VEGFC: variants seen among roughly 807,000 people sequenced by gnomAD.
VEGFC encodes the protein vascular endothelial growth factor C.
VEGFC carries 12 observed loss-of-function variants against 46.1 expected under a neutral mutation model. The observed-to-expected ratio is 0.26, with a 90% CI of 0.17 to 0.42. The LOEUF (loss-of-function observed/expected upper bound fraction) is 0.42, where lower values mean the gene tolerates loss of function less well. Ranked by LOEUF, VEGFC falls within the 10% of genes least tolerant of loss-of-function variation. The pLI, the probability that VEGFC is intolerant of heterozygous loss-of-function variation, is 1.00. For missense variants in VEGFC, 488 were observed against 529.4 expected (o/e 0.92, Z 0.77); for synonymous variants, 232 against 195.5 (o/e 1.19, Z -1.56).
intron 1 of VEGFC, among the ~76,000 whole-genome samples, chr4:176,761,363 C>G (rs568061375): frequency 6.6e-6 from 1 of 152,226 alleles, no homozygotes; most frequent in East Asian, 1.9e-4. Context: ...TGGTTCATAA[C>G]TATATGCCCA....
intron 3 of VEGFC, among the ~76,000 whole-genome samples, chr4:176,716,583 C>CG (rs1553993384): frequency 3.8e-5 from 3 of 79,260 alleles, no homozygotes; most frequent in African/African-American, 2.6e-4. Context: ...ACTCCCTCTC[C>CG]GAAAAAAAAA....
chr4:176,687,890 T>G lies in VEGFC; in HGVS notation c.742A>C (p.Met248Leu), dbSNP rs1242090667. 6.2e-7 allele frequency: 1 copy of G among 1,613,112 alleles called. No individual in the cohort carries two copies. The highest frequency in any genetic ancestry group is 1.3e-5 in the African/African-American group (1 of 74,852). ...AANKTCPTNY[M>L]WNNHICRCLA... The stretch of plus-strand genomic sequence containing the variant: ...CATCTGCAGATGTGATTATTCCACA[T>G]GTAATTGGTGGGGCAGGTCTTGTTC... The change falls in exon 5 of 7, where the codon ATG becomes CTG. Residue 248 changes from methionine to leucine, a missense_variant. Physicochemically the swap from Met to Leu is conservative, Grantham distance 15. Coordinates refer to ENST00000618562, the MANE Select transcript of VEGFC (RefSeq NM_005429.5).
intron 5 of VEGFC, 83 bp downstream of exon 5, chr4:176,687,738 T>C (rs908022151): frequency 7.3e-6 from 8 of 1,097,700 alleles, no homozygotes; most frequent in Non-Finnish European, 1.1e-5. Flanking sequence ...TGATGAATAT[T>C]ATATGTGTGG....
chr4:176,721,494 C>A (rs1560945408), intron 3 of VEGFC, among the ~76,000 whole-genome samples: 1 of 151,992 alleles, frequency 6.6e-6, no homozygotes, highest in Non-Finnish European at 1.5e-5. Flanking sequence ...GGTAGGAGAC[C>A]AGTTATTAGG....
At chr4:176,755,078 A>T (rs937203214) in intron 1 of VEGFC, among the ~76,000 whole-genome samples, 1 of 152,058 alleles carries the variant, frequency 6.6e-6, no homozygotes, top group African/African-American at 2.4e-5. Context: ...GTTTTCATGT[A>T]GTTACTTTCA....
chr4:176,738,305 T>G (rs894433764), intron 1 of VEGFC, among the ~76,000 whole-genome samples: 2 of 151,936 alleles, frequency 1.3e-5, no homozygotes, highest in Non-Finnish European at 2.9e-5. Flanking sequence ...CAAACTATAC[T>G]ACAAGTCAAC....
At chr4:176,720,366 A>C (rs1173946278) in intron 3 of VEGFC, among the ~76,000 whole-genome samples, 1 of 152,168 alleles carries the variant, frequency 6.6e-6, no homozygotes, top group East Asian at 1.9e-4. Flanking sequence ...ATCTCCACCT[A>C]AACACCATTC....
intron 1 of VEGFC, among the ~76,000 whole-genome samples, chr4:176,760,504 TTAA>T (rs1281321928): frequency 2.6e-5 from 4 of 152,182 alleles, no homozygotes; most frequent in African/African-American, 9.7e-5. Context: ...CTATATATTC[TTAA>T]TAAATATTTA....
chr4:176,722,548 T>C (rs1734807168), intron 3 of VEGFC, among the ~76,000 whole-genome samples: 3 of 149,198 alleles, frequency 2.0e-5, no homozygotes, highest in Admixed American at 6.8e-5. Flanking sequence ...CAGGCTGGAG[T>C]GCAGTGCTGC....
At chr4:176,697,993 A>C (rs1375348622) in intron 4 of VEGFC, among the ~76,000 whole-genome samples, 1 of 145,216 alleles carries the variant, frequency 6.9e-6, no homozygotes. Context: ...TGTGGGGTGG[A>C]GGGAGGGGGA....
At chr4:176,777,648 T>G (rs10023305) in intron 1 of VEGFC, among the ~76,000 whole-genome samples, 16,656 of 151,828 alleles carry the variant, frequency 0.11, 2,269 homozygotes, top group African/African-American at 0.32. Flanking sequence ...TAGGCCAGGC[T>G]CCGTGGCTCA....
At chr4:176,766,978 T>C (rs1382401186) in intron 1 of VEGFC, among the ~76,000 whole-genome samples, 1 of 148,812 alleles carries the variant, frequency 6.7e-6, no homozygotes, top group Non-Finnish European at 1.5e-5. Context: ...AAAATCACCT[T>C]ACATTAAAAT....
chr4:176,784,068 T>TTG lies in VEGFC; in HGVS notation c.147+8096_147+8097insCA, dbSNP rs79513694. ...TTTATATGTATGCACATGCTGTTTTTTTTTTTTTTTTTTTGAAACAGAGTC... is the reference window on the plus strand; with the variant it reads ...TTTATATGTATGCACATGCTGTTTTTTGTTTTTTTTTTTTTTGAAACAGAGTC... On this transcript the variant is annotated intron_variant, in intron 1 of 6. Transcript: ENST00000618562. Among the ~76,000 whole-genome samples the TTG allele has an allele frequency of 2.9e-5, 4 of 140,018 alleles. 1 individual carries two copies. Among genetic ancestry groups the TTG allele is most frequent in the Admixed American group, 7.1e-5 (1 of 14,154 alleles). 91.9% of individuals were successfully genotyped at this position (140,018 alleles called of 152,430 possible).
intron 1 of VEGFC, among the ~76,000 whole-genome samples, chr4:176,732,108 CAATA>C (rs933668900): frequency 2.0e-5 from 3 of 151,580 alleles, no homozygotes; most frequent in Admixed American, 2.0e-4. Context: ...AATTAAAAGA[CAATA>C]AAGTACGAAA....
intron 1 of VEGFC, among the ~76,000 whole-genome samples, chr4:176,753,500 T>C (rs1735373585): frequency 6.6e-6 from 1 of 151,982 alleles, no homozygotes; most frequent in East Asian, 1.9e-4. Context: ...TTTGCAAACA[T>C]AAAGACATAC....
intron 1 of VEGFC, among the ~76,000 whole-genome samples, chr4:176,740,118 T>C (rs373161862): frequency 9.9e-6 from 1 of 100,796 alleles, no homozygotes; most frequent in Non-Finnish European, 2.1e-5. Flanking sequence ...TATATATATA[T>C]TCTATATATA....
intron 3 of VEGFC, among the ~76,000 whole-genome samples, chr4:176,715,303 A>G (rs556560178): frequency 7.9e-5 from 12 of 152,172 alleles, no homozygotes; most frequent in Non-Finnish European, 1.6e-4. Context: ...CACATCCTCT[A>G]TCCCTAAATT....
chr4:176,778,434 A>G (rs748574594), intron 1 of VEGFC, among the ~76,000 whole-genome samples: 4 of 152,160 alleles, frequency 2.6e-5, no homozygotes, highest in Non-Finnish European at 5.9e-5. Context: ...TCTAGTAAAG[A>G]ATGCTAGTAG....
intron 6 of VEGFC, among the ~76,000 whole-genome samples, chr4:176,686,931 C>T (rs1425428247): frequency 6.6e-6 from 1 of 152,040 alleles, no homozygotes; most frequent in Non-Finnish European, 1.5e-5. Flanking sequence ...GAAAACATCC[C>T]ACAGGAACCA....
Sources: gnomAD v4.1 joint callset for allele counts (sites outside exome capture counted in the v4.1 genomes callset) on GRCh38, gnomAD v4.1.1 for gene constraint, MANE v1.5 for transcripts, NCBI Gene and HGNC (gene_info 2026-07-23, HGNC 2026-07-21) for gene names.